Variants in METTL21C observed in about 807,000 individuals in gnomAD.
The protein encoded by METTL21C is protein-lysine methyltransferase METTL21C.
METTL21C carries 21 observed loss-of-function variants against 25.9 expected under a neutral mutation model. The ratio of observed to expected loss-of-function variants is 0.81; its 90% CI spans 0.58 to 1.17. The LOEUF (loss-of-function observed/expected upper bound fraction) is 1.17. Among genes scored for constraint, METTL21C ranks in the 50% most tolerant of loss-of-function variants. The pLI, the probability that METTL21C is intolerant of heterozygous loss-of-function variation, is 0.00. For synonymous variants in METTL21C, 125 were observed against 124.7 expected, an observed-to-expected ratio of 1.00 and a Z score of -0.01; for missense variants, 312 against 315.1, an observed-to-expected ratio of 0.99 and a Z score of 0.07.
chr13:102,701,436 G>A, the METTL21C span, among the ~76,000 whole-genome samples: 18,436 of 152,160 alleles, frequency 0.12, 1,453 homozygotes, highest in Middle Eastern at 0.17. Flanking sequence ...CAAAGTATTT[G>A]GGTGGAGAAA....
At chr13:102,689,275 C>G (rs955528396) in intron 2 of METTL21C, among the ~76,000 whole-genome samples, 3 of 152,100 alleles carry the variant, frequency 2.0e-5, no homozygotes, top group African/African-American at 7.2e-5. Flanking sequence ...CTGCTGTCGT[C>G]TATTTGCTGA....
upstream of METTL21C, among the ~76,000 whole-genome samples, chr13:102,696,918 G>C (rs1194019544): frequency 6.6e-6 from 1 of 152,164 alleles, no homozygotes; most frequent in Non-Finnish European, 1.5e-5. Context: ...GGATTGACGG[G>C]GGGCAGGGCA....
intron 2 of METTL21C, among the ~76,000 whole-genome samples, chr13:102,689,639 T>C (rs1164813724): frequency 6.6e-6 from 1 of 152,212 alleles, no homozygotes; most frequent in Non-Finnish European, 1.5e-5. Context: ...ATCTGGAGCC[T>C]TTCTAATCAC....
At chr13:102,691,115 C>T (rs1405809630) in intron 1 of METTL21C, 151 bp from the exon 2 acceptor site, 1 of 829,932 alleles carries the variant, frequency 1.2e-6, no homozygotes, top group African/African-American at 1.7e-5. Flanking sequence ...TGCAAATTGG[C>T]ACAAAATTGA....
chr13:102,702,082 T>C, the METTL21C span, among the ~76,000 whole-genome samples: 1 of 151,940 alleles, frequency 6.6e-6, no homozygotes, highest in Admixed American at 6.6e-5. Context: ...GAGAATCACT[T>C]GAACCTGGGA....
the METTL21C span, among the ~76,000 whole-genome samples, chr13:102,701,687 G>A: frequency 1.3e-5 from 2 of 152,106 alleles, no homozygotes; most frequent in East Asian, 1.9e-4. Flanking sequence ...ATTATTCTAC[G>A]AGCATGAAGA....
upstream of METTL21C, among the ~76,000 whole-genome samples, chr13:102,698,567 C>G (rs7995079): frequency 6.6e-6 from 1 of 151,978 alleles, no homozygotes; most frequent in East Asian, 1.9e-4. Context: ...GAAGGACCCC[C>G]CAAGAAGCTG....
chr13:102,694,873 T>TTCTCTCTCTCTCTC lies in METTL21C; in HGVS notation c.-389_-376dup, dbSNP rs111474584. Reference sequence around the variant, plus strand: ...ATTACTTTGCTAGAATTCTCTCTCTTTCTCTCTCTCTCTCTCTCTCTCTCT... The same window carrying TTCTCTCTCTCTCTC: ...ATTACTTTGCTAGAATTCTCTCTCTTTCTCTCTCTCTCTCTCTCTCTCTCTCTCTCTCTCTCTCT... On this transcript the variant is annotated 5_prime_UTR_variant, in exon 1 of 4. Coordinates refer to ENST00000267273, the MANE Select transcript of METTL21C (RefSeq NM_001010977.3). Among the ~76,000 whole-genome samples the TTCTCTCTCTCTCTC allele has an allele frequency of 3.1e-5, 4 of 128,292 alleles. No individual in the cohort carries two copies. In the South Asian group the frequency reaches 7.7e-4, roughly 25 times the overall value. 84.2% of individuals were successfully genotyped at this position (128,292 alleles called of 152,430 possible).
intron 2 of METTL21C, among the ~76,000 whole-genome samples, chr13:102,689,718 C>T (rs1885778330): frequency 6.6e-6 from 1 of 152,236 alleles, no homozygotes; most frequent in Non-Finnish European, 1.5e-5. Context: ...TGGCTCTGCC[C>T]TGCACCCCAG....
At position 102,690,981 on chromosome 13, in the gene METTL21C, T is replaced by C; in HGVS notation, c.131-17A>G. The C allele has an allele frequency of 6.2e-7, 1 of 1,612,434 alleles. No homozygotes were observed. The highest frequency in any genetic ancestry group is 8.5e-7 in the Non-Finnish European group (1 of 1,179,342). The stretch of plus-strand genomic sequence containing the variant: ...TGTTGGATTCTGTGAAGCAGAAAAA[T>C]AAAATGGAGTTCATGATTTGTTCAA... On this transcript the variant is annotated splice_polypyrimidine_tract_variant and intron_variant, in intron 1 of 3. Coordinates refer to ENST00000267273, the MANE Select transcript of METTL21C (RefSeq NM_001010977.3).
At chr13:102,688,152 T>A (rs1190440190) in intron 2 of METTL21C, among the ~76,000 whole-genome samples, 1 of 152,260 alleles carries the variant, frequency 6.6e-6, no homozygotes, top group Non-Finnish European at 1.5e-5. Flanking sequence ...CCCATCTTCC[T>A]CTGGACTCTA....
At chr13:102,692,964 G>A (rs1317346651) in intron 1 of METTL21C, among the ~76,000 whole-genome samples, 1 of 152,126 alleles carries the variant, frequency 6.6e-6, no homozygotes, top group Non-Finnish European at 1.5e-5. Flanking sequence ...GAGGCAGGAG[G>A]AAGGCCGAAA....
At chr13:102,693,971 C>T (rs559817009) in intron 1 of METTL21C, among the ~76,000 whole-genome samples, 1 of 152,068 alleles carries the variant, frequency 6.6e-6, no homozygotes, top group Non-Finnish European at 1.5e-5. Context: ...GTTACATTGT[C>T]CTAACGGGGA....
At chr13:102,702,431 A>T in the METTL21C span, among the ~76,000 whole-genome samples, 1 of 152,324 alleles carries the variant, frequency 6.6e-6, no homozygotes, top group East Asian at 1.9e-4. Flanking sequence ...CAAGGAAATG[A>T]AATAAGAGCT....
chr13:102,688,419 G>A lies in METTL21C; in HGVS notation c.283-1362C>T, dbSNP rs538600630. 6.6e-5 allele frequency among the ~76,000 whole-genome samples: 10 copies of A among 152,328 alleles called. No homozygotes were observed. The South Asian group carries it at 2.1e-3, about 32-fold the overall frequency. On this transcript the variant is annotated intron_variant, in intron 2 of 3. Coordinates refer to ENST00000267273, the MANE Select transcript of METTL21C (RefSeq NM_001010977.3). ...ACTGAATTCTGGGGAGGTAAGTGCT[G>A]TAGAGGAGGCAGACAGCTGGTTGAA...
At chr13:102,687,466 A>G (rs1190443267) in intron 2 of METTL21C, among the ~76,000 whole-genome samples, 3 of 152,240 alleles carry the variant, frequency 2.0e-5, no homozygotes, top group Non-Finnish European at 4.4e-5. Context: ...AAATTATAGA[A>G]GTAATTTTTT....
upstream of METTL21C, among the ~76,000 whole-genome samples, chr13:102,696,283 A>G (rs1237397522): frequency 1.3e-5 from 2 of 151,986 alleles, no homozygotes; most frequent in Admixed American, 6.6e-5. Flanking sequence ...CAAACACCAC[A>G]TGTTCTCACT....
Position 102,685,819 on chromosome 13 carries a change from T to C in METTL21C, c.*212A>G, listed in dbSNP as rs563863779. ...CAACAAAGCTACTTTCATGTTTTTA[T>C]GTTGTTCTTTTTAGATATTTAGATT... On this transcript the variant is annotated 3_prime_UTR_variant, in exon 4 of 4. Coordinates refer to ENST00000267273, the MANE Select transcript of METTL21C (RefSeq NM_001010977.3). 4.1e-6 allele frequency: 2 copies of C among 491,818 alleles called. No individual in the cohort carries two copies. The highest frequency in any genetic ancestry group is 6.7e-5 in the East Asian group (2 of 29,936). 30.5% of individuals were successfully genotyped at this position (491,818 alleles called of 1,614,324 possible). A position where few individuals can be genotyped will look rare whatever the true frequency, so the allele number is the denominator to read the frequency against.
the METTL21C span, among the ~76,000 whole-genome samples, chr13:102,704,205 C>T: frequency 2.0e-5 from 3 of 152,120 alleles, no homozygotes; most frequent in African/African-American, 7.2e-5. Flanking sequence ...TCTGTGTTTC[C>T]CAGATGGATA....
Sources: allele counts gnomAD v4.1 joint callset (sites outside exome capture counted in the v4.1 genomes callset), GRCh38; gene constraint gnomAD v4.1.1; transcripts MANE v1.5; gene names NCBI Gene and HGNC (gene_info 2026-07-23, HGNC 2026-07-21).